DLG2: variants seen among roughly 807,000 people sequenced by gnomAD.
DLG2 encodes disks large homolog 2.
DLG2 carries 45 observed loss-of-function variants against 132.5 expected under a neutral mutation model. That is an observed-to-expected ratio of 0.34 (90% CI 0.27 to 0.44). DLG2 has a LOEUF of 0.44. Ranked by LOEUF, DLG2 falls within the 20% of genes least tolerant of loss-of-function variation. The pLI, the probability that DLG2 is intolerant of heterozygous loss-of-function variation, is 1.00. For missense variants in DLG2, 1,045 were observed against 1,196.9 expected (o/e 0.87, Z 1.87); for synonymous variants, 424 against 419.6 (o/e 1.01, Z -0.13).
At position 84,818,452 on chromosome 11, in the gene DLG2, T is replaced by C. The variant is rs1426927705; in HGVS notation, c.358-283721A>G. ...TTATTTATAAGCCTTAGGCTTGTTATATTAATAAATTTATATTTATTTTCC... is the reference window on the plus strand; with the variant it reads ...TTATTTATAAGCCTTAGGCTTGTTACATTAATAAATTTATATTTATTTTCC... On this transcript the variant is annotated intron_variant, in intron 6 of 27. Coordinates refer to ENST00000376104, the MANE Select transcript of DLG2 (RefSeq NM_001142699.3). Among the ~76,000 whole-genome samples, 5 of 151,764 alleles carry C rather than the reference T, an allele frequency of 3.3e-5. No homozygotes were observed. The East Asian group carries it at 9.7e-4, about 29-fold the overall frequency.
At chr11:84,510,234 A>G (rs1287046503) in intron 7 of DLG2, among the ~76,000 whole-genome samples, 2 of 151,910 alleles carry the variant, frequency 1.3e-5, no homozygotes, top group South Asian at 2.1e-4. Flanking sequence ...AAAGGAAAAT[A>G]TAACATTTGA....
intron 6 of DLG2, among the ~76,000 whole-genome samples, chr11:84,925,391 C>G (rs557795400): frequency 1.3e-5 from 2 of 152,166 alleles, no homozygotes; most frequent in East Asian, 1.9e-4. Context: ...TTTAAAAAGG[C>G]CCTTAGCCTT....
At chr11:85,414,601 C>T (rs750946872) in intron 3 of DLG2, among the ~76,000 whole-genome samples, 1 of 151,850 alleles carries the variant, frequency 6.6e-6, no homozygotes, top group South Asian at 2.1e-4. Context: ...CTATATATAT[C>T]TGTTAAGTCC....
At chr11:83,646,151 T>C (rs900168439) in intron 18 of DLG2, among the ~76,000 whole-genome samples, 3 of 152,160 alleles carry the variant, frequency 2.0e-5, no homozygotes, top group African/African-American at 4.8e-5. Context: ...AGCAGGTTTC[T>C]ATTTGGCACA....
chr11:84,910,416 T>C (rs1191501330), intron 6 of DLG2, among the ~76,000 whole-genome samples: 4 of 152,198 alleles, frequency 2.6e-5, no homozygotes, highest in Admixed American at 6.5e-5. Context: ...ATTTGTATTA[T>C]AAAATTTTTT....
rs1565748480 is a variant in DLG2 at position 84,714,569 on chromosome 11, CTT to C, written c.358-179840_358-179839del. Among the ~76,000 whole-genome samples the C allele has an allele frequency of 1.6e-3, 190 of 120,938 alleles. 1 individual carries two copies. The Middle Eastern group carries it at 0.019, about 12-fold the overall frequency. 79.3% of individuals were successfully genotyped at this position (120,938 alleles called of 152,430 possible). ...TCTCTTTCTCTCTCTTTCTCTTTCT[CTT>C]TCTCTTTCTCTTTCTCTTTCTCTTT... On this transcript the variant is annotated intron_variant, in intron 6 of 27. Coordinates refer to ENST00000376104, the MANE Select transcript of DLG2 (RefSeq NM_001142699.3).
At chr11:83,544,682 C>G (rs10792688) in intron 19 of DLG2, among the ~76,000 whole-genome samples, 100,005 of 151,916 alleles carry the variant, frequency 0.66, 33,432 homozygotes, top group Middle Eastern at 0.75. Flanking sequence ...TCTGGCACTT[C>G]ATAGTCATCG....
intron 5 of DLG2, among the ~76,000 whole-genome samples, chr11:85,122,849 T>C (rs1190177773): frequency 1.4e-5 from 2 of 147,178 alleles, no homozygotes; most frequent in Non-Finnish European, 3.0e-5. Flanking sequence ...CACACACACA[T>C]AAATGCACAC....
Position 84,010,374 on chromosome 11 carries a change from C to T in DLG2, c.920-29732G>A, listed in dbSNP as rs1006775519. On this transcript the variant is annotated intron_variant, in intron 11 of 27. Transcript: ENST00000376104. ...GTGGCACAATCATAGCTCCCTGTAA[C>T]CTTGAACTTCTGAGCTCAAGCAATC... 2.0e-5 allele frequency among the ~76,000 whole-genome samples: 3 copies of T among 151,956 alleles called. No individual in the cohort carries two copies. The East Asian group carries it at 5.8e-4, about 30-fold the overall frequency.
At chr11:84,194,225 T>G (rs1364912146) in intron 8 of DLG2, among the ~76,000 whole-genome samples, 1 of 152,138 alleles carries the variant, frequency 6.6e-6, no homozygotes, top group Non-Finnish European at 1.5e-5. Flanking sequence ...CCAGAATTGG[T>G]GGGTTCTTGG....
chr11:84,664,765 C>G (rs1420257787), intron 6 of DLG2, among the ~76,000 whole-genome samples: 1 of 152,122 alleles, frequency 6.6e-6, no homozygotes, highest in Non-Finnish European at 1.5e-5. Flanking sequence ...TACTTCTCTC[C>G]TTTCCTTACC....
chr11:85,286,827 G>A (rs78809708), intron 3 of DLG2, among the ~76,000 whole-genome samples: 1,871 of 152,114 alleles, frequency 0.012, 18 homozygotes, highest in Middle Eastern at 0.037. Context: ...ATGGTTGATC[G>A]TAGGACTGGG....
In DLG2 at chr11:84,394,075, CTA is replaced by C. The variant is rs1371008927; in HGVS notation, c.519+140493_519+140494del. On this transcript the variant is annotated intron_variant, in intron 7 of 27. Coordinates refer to ENST00000376104, the MANE Select transcript of DLG2 (RefSeq NM_001142699.3). Reference sequence around the variant, plus strand: ...TATTTTTAGTAGAGACAGGGTTTCACTATGTTGGCCAGGCTGGTCTCGAACTC... The same window carrying C: ...TATTTTTAGTAGAGACAGGGTTTCACTGTTGGCCAGGCTGGTCTCGAACTC... Among the ~76,000 whole-genome samples, 9 of 152,062 alleles carry C rather than the reference CTA, an allele frequency of 5.9e-5. No homozygotes were observed. The East Asian group carries it at 7.7e-4, about 13-fold the overall frequency.
chr11:84,000,917 TA>T (rs2094313217), intron 11 of DLG2, among the ~76,000 whole-genome samples: 1 of 151,766 alleles, frequency 6.6e-6, no homozygotes, highest in Non-Finnish European at 1.5e-5. Context: ...CACAAATGTA[TA>T]AAACTCACTG....
intron 3 of DLG2, among the ~76,000 whole-genome samples, chr11:85,545,770 T>C (rs144666039): frequency 6.6e-6 from 1 of 152,356 alleles, no homozygotes; most frequent in African/African-American, 2.4e-5. Flanking sequence ...TCTAGTTTCA[T>C]TTGCATAGAG....
chr11:83,748,147 C>T (rs1273988688), intron 18 of DLG2, among the ~76,000 whole-genome samples: 4 of 152,046 alleles, frequency 2.6e-5, no homozygotes, highest in Admixed American at 2.0e-4. Flanking sequence ...TGAAAAATAC[C>T]ACTTTAGGAA....
intron 11 of DLG2, among the ~76,000 whole-genome samples, chr11:84,027,196 C>T (rs1593381030): frequency 1.3e-5 from 2 of 152,066 alleles, no homozygotes; most frequent in South Asian, 4.1e-4. Context: ...AGGTCTCTCA[C>T]TTCTGCTTCA....
intron 3 of DLG2, among the ~76,000 whole-genome samples, chr11:85,422,548 TG>T (rs1156643123): frequency 1.3e-5 from 2 of 148,746 alleles, no homozygotes; most frequent in Non-Finnish European, 3.0e-5. Flanking sequence ...TTTTTTTTGG[TG>T]GGGGGGATTT....
At chr11:85,484,047 G>A (rs1397619088) in intron 3 of DLG2, among the ~76,000 whole-genome samples, 1 of 152,156 alleles carries the variant, frequency 6.6e-6, no homozygotes, top group Non-Finnish European at 1.5e-5. Flanking sequence ...CTAAATACCG[G>A]CACGAGACCG....
Sources: allele counts gnomAD v4.1 joint callset (sites outside exome capture counted in the v4.1 genomes callset), GRCh38; gene constraint gnomAD v4.1.1; transcripts MANE v1.5; gene names NCBI Gene and HGNC (gene_info 2026-07-23, HGNC 2026-07-21).